Variants in DLG2 observed in about 807,000 individuals in gnomAD.
The protein encoded by DLG2 is disks large homolog 2.
In DLG2, 45 loss-of-function variants were observed where a neutral mutation model predicts 132.5. The ratio of observed to expected loss-of-function variants is 0.34; its 90% CI spans 0.27 to 0.44. The LOEUF is 0.44. Among genes scored for constraint, DLG2 ranks in the 20% least tolerant of loss-of-function variants. The probability of loss-of-function intolerance (pLI) is 1.00; values close to 1 mark genes in which losing one functional copy is unlikely to be tolerated. For synonymous variants in DLG2, 424 were observed against 419.6 expected, an observed-to-expected ratio of 1.01 and a Z score of -0.13; for missense variants, 1,045 against 1,196.9, an observed-to-expected ratio of 0.87 and a Z score of 1.87.
chr11:84,586,672 T>C (rs2154529945), intron 6 of DLG2, among the ~76,000 whole-genome samples: 1 of 152,272 alleles, frequency 6.6e-6, no homozygotes, highest in South Asian at 2.1e-4. Context: ...TCATACACTT[T>C]TGCTTTATAT....
rs117032210 is a variant in DLG2 at position 84,124,559 on chromosome 11, G to A, written c.625-25512C>T. Among the ~76,000 whole-genome samples the A allele has an allele frequency of 4.0e-3, 610 of 152,240 alleles. 2 individuals carry two copies. Among genetic ancestry groups the A allele is most frequent in the Admixed American group, 6.6e-3 (101 of 15,298 alleles). ...AATAAAGGTTTCTGTCATGATAGAC[G>A]CTTAACAAATGTTTAGTGAAGGATC... On this transcript the variant is annotated intron_variant, in intron 9 of 27. Transcript: ENST00000376104.
intron 8 of DLG2, among the ~76,000 whole-genome samples, chr11:84,235,134 C>G (rs955037207): frequency 2.0e-5 from 3 of 152,222 alleles, no homozygotes; most frequent in Non-Finnish European, 4.4e-5. Flanking sequence ...ATCAGAAAAT[C>G]TTTGAATCCA....
intron 6 of DLG2, among the ~76,000 whole-genome samples, chr11:84,736,702 G>A (rs947485998): frequency 1.6e-4 from 24 of 151,706 alleles, no homozygotes; most frequent in African/African-American, 4.4e-4. Context: ...TTGTTAGTAC[G>A]TAGAAATACA....
chr11:84,632,408 G>T (rs1594362583), intron 6 of DLG2, among the ~76,000 whole-genome samples: 1 of 152,152 alleles, frequency 6.6e-6, no homozygotes, highest in Admixed American at 6.5e-5. Context: ...AATCTTTATT[G>T]ACTCTTTTAG....
intron 3 of DLG2, among the ~76,000 whole-genome samples, chr11:85,351,162 T>C (rs902424554): frequency 6.6e-6 from 1 of 152,240 alleles, no homozygotes; most frequent in African/African-American, 2.4e-5. Context: ...TTTTATTCTA[T>C]TTGTAGCAAT....
intron 8 of DLG2, among the ~76,000 whole-genome samples, chr11:84,188,206 A>G (rs1402020686): frequency 6.6e-6 from 1 of 152,170 alleles, no homozygotes; most frequent in Non-Finnish European, 1.5e-5. Flanking sequence ...CTTTAGGTGT[A>G]TATGTTTATA....
chr11:83,695,509 G>A (rs557253445), intron 18 of DLG2, among the ~76,000 whole-genome samples: 46 of 152,292 alleles, frequency 3.0e-4, no homozygotes, highest in Admixed American at 2.9e-3. Context: ...TTGGGAGGCC[G>A]AGGTGGGTGG....
chr11:84,899,901 C>G (rs1461650719), intron 6 of DLG2, among the ~76,000 whole-genome samples: 1 of 152,022 alleles, frequency 6.6e-6, no homozygotes, highest in African/African-American at 2.4e-5. Flanking sequence ...AGTAAGACCA[C>G]TGGGGTACCA....
chr11:83,779,863 A>C (rs1203824245), intron 18 of DLG2, among the ~76,000 whole-genome samples: 2 of 152,180 alleles, frequency 1.3e-5, no homozygotes. Context: ...AAAAGATGTA[A>C]TGTTAGCGAC....
intron 4 of DLG2, among the ~76,000 whole-genome samples, chr11:85,239,358 T>C (rs1462037433): frequency 1.3e-5 from 2 of 152,106 alleles, no homozygotes. Flanking sequence ...GTGGGTAAGT[T>C]TTTATACATT....
chr11:85,315,637 T>A (rs899723820), intron 3 of DLG2, among the ~76,000 whole-genome samples: 1 of 152,008 alleles, frequency 6.6e-6, no homozygotes, highest in East Asian at 1.9e-4. Context: ...TGTTGGTACC[T>A]CAACCCAAGA....
Position 83,547,788 on chromosome 11 carries a change from T to G in DLG2, c.1941-5930A>C, listed in dbSNP as rs187795678. Among the ~76,000 whole-genome samples, 3 of 152,270 alleles carry G rather than the reference T, an allele frequency of 2.0e-5. No individual in the cohort carries two copies. The East Asian group carries it at 5.8e-4, about 29-fold the overall frequency. ...TTTAAGTCATTAGTTCTGTGATAAT[T>G]TGTTATGGTAGCAATAGAAAACTAA... On this transcript the variant is annotated intron_variant, in intron 19 of 27. Coordinates refer to ENST00000376104, the MANE Select transcript of DLG2 (RefSeq NM_001142699.3).
intron 6 of DLG2, among the ~76,000 whole-genome samples, chr11:84,780,052 T>C (rs771189086): frequency 3.3e-5 from 5 of 152,098 alleles, no homozygotes; most frequent in African/African-American, 4.8e-5. Context: ...AGTATCATCC[T>C]GATACCAAAA....
At chr11:83,982,222 C>T in intron 11 of DLG2, among the ~76,000 whole-genome samples, 1 of 151,274 alleles carries the variant, frequency 6.6e-6, no homozygotes. Context: ...TTGAGTGTAC[C>T]CCTCTCCTTA....
intron 7 of DLG2, among the ~76,000 whole-genome samples, chr11:84,300,788 AG>A (rs1319403062): frequency 6.6e-6 from 1 of 152,234 alleles, no homozygotes; most frequent in Non-Finnish European, 1.5e-5. Flanking sequence ...AAATTAATAA[AG>A]GATTTTACAA....
intron 3 of DLG2, among the ~76,000 whole-genome samples, chr11:85,339,510 C>G (rs2082344157): frequency 6.6e-6 from 1 of 152,070 alleles, no homozygotes; most frequent in African/African-American, 2.4e-5. Flanking sequence ...TCTGCACAGC[C>G]TTGCAAATAG....
intron 7 of DLG2, among the ~76,000 whole-genome samples, chr11:84,416,458 A>G (rs1213282794): frequency 6.6e-6 from 1 of 152,166 alleles, no homozygotes; most frequent in African/African-American, 2.4e-5. Context: ...ACAGTAACCA[A>G]CTCCAAAGAG....
chr11:84,859,342 T>TA (rs2154027728), intron 6 of DLG2, among the ~76,000 whole-genome samples: 1 of 146,726 alleles, frequency 6.8e-6, no homozygotes, highest in East Asian at 2.0e-4. Context: ...TAGGTATATA[T>TA]GTAGATTTTA....
At chr11:84,962,347 T>A (rs941936127) in intron 6 of DLG2, among the ~76,000 whole-genome samples, 2 of 152,360 alleles carry the variant, frequency 1.3e-5, no homozygotes, top group African/African-American at 4.8e-5. Flanking sequence ...TGTGATATAG[T>A]GAAACACTAT....
Sources: allele counts gnomAD v4.1 joint callset (sites outside exome capture counted in the v4.1 genomes callset), GRCh38; gene constraint gnomAD v4.1.1; transcripts MANE v1.5; gene names NCBI Gene and HGNC (gene_info 2026-07-23, HGNC 2026-07-21).